APOOL: variants seen among roughly 807,000 people sequenced by gnomAD.
APOOL encodes the protein apolipoprotein O like, also known as MICOS complex subunit MIC27.
Under a neutral mutation model 23.1 loss-of-function variants are expected in APOOL, and 12 were observed. The observed-to-expected ratio is 0.52, with a 90% CI of 0.33 to 0.84. APOOL has a LOEUF of 0.84. APOOL is among the 40% of genes least tolerant of loss of function. The pLI is 0.02. For synonymous variants in APOOL, 77 were observed against 69.9 expected, an observed-to-expected ratio of 1.10 and a Z score of -0.51; for missense variants, 212 against 199.6, an observed-to-expected ratio of 1.06 and a Z score of -0.37.
chrX:85,048,539 G>A (rs1922654790), intron 2 of APOOL, among the ~76,000 whole-genome samples: 1 of 112,104 alleles, frequency 8.9e-6, no homozygotes, highest in Non-Finnish European at 1.9e-5. Flanking sequence ...TTTGTTGCCA[G>A]CTATGTGCTA....
chrX:85,011,943 A>G (rs1448839187), intron 1 of APOOL, among the ~76,000 whole-genome samples: 1 of 111,483 alleles, frequency 9.0e-6, no homozygotes, highest in Non-Finnish European at 1.9e-5. Context: ...CAGTATGGTC[A>G]TTTTCACAAT....
At chrX:85,018,699 A>G (rs746572502) in intron 1 of APOOL, among the ~76,000 whole-genome samples, 12 of 109,257 alleles carry the variant, frequency 1.1e-4, no homozygotes, top group African/African-American at 3.3e-4. Context: ...TATTTCATTC[A>G]TTATATTCTT....
rs778983009 is a variant in APOOL at position 85,008,535 on chromosome X, T to TTTGTG, written c.15+4609_15+4610insTGTGT. Among the ~76,000 whole-genome samples the TTTGTG allele has an allele frequency of 7.8e-3, 670 of 86,130 alleles. 2 individuals carry two copies. Among genetic ancestry groups the TTTGTG allele is most frequent in the African/African-American group, 0.022 (501 of 23,128 alleles). The allele number at this position is 86,130 out of a possible 115,157, so 74.8% of individuals were successfully genotyped here. A position where few individuals can be genotyped will look rare whatever the true frequency, so the allele number is the denominator to read the frequency against. ...TTTTTTATGGTTGAATGATAACCCGTTGTGTGTGTGTGTGTGTGTGTGTGT... is the reference window on the plus strand; with the variant it reads ...TTTTTTATGGTTGAATGATAACCCGTTTGTGTGTGTGTGTGTGTGTGTGTGTGTGT... On this transcript the variant is annotated intron_variant, in intron 1 of 8. Coordinates refer to ENST00000373173, the MANE Select transcript of APOOL (RefSeq NM_198450.6).
intron 8 of APOOL, 42 bp from the exon 9 acceptor site, chrX:85,087,548 G>T (rs1323560722): frequency 9.0e-7 from 1 of 1,106,137 alleles, no homozygotes. Flanking sequence ...AAATAAATTT[G>T]TTAAGTGACT....
chrX:85,018,504 T>C (rs1921554369), intron 1 of APOOL, among the ~76,000 whole-genome samples: 1 of 111,796 alleles, frequency 8.9e-6, no homozygotes, highest in African/African-American at 3.3e-5. Context: ...CATTTCAACA[T>C]GAGATTTGGA....
chrX:85,065,553 G>A (rs183203732), intron 5 of APOOL, among the ~76,000 whole-genome samples: 62 of 111,178 alleles, frequency 5.6e-4, no homozygotes, highest in African/African-American at 1.7e-3. Context: ...CAGCGCAGGC[G>A]TGGTGGTGAT....
chrX:85,008,595 G>A (rs1921161736), intron 1 of APOOL, among the ~76,000 whole-genome samples: 1 of 95,203 alleles, frequency 1.1e-5, no homozygotes, highest in Non-Finnish European at 2.1e-5. Context: ...TTCTTCATCC[G>A]TTGATCTGTT....
intron 8 of APOOL, among the ~76,000 whole-genome samples, chrX:85,079,043 C>T (rs1923976099): frequency 9.0e-6 from 1 of 111,393 alleles, no homozygotes; most frequent in South Asian, 3.8e-4. Flanking sequence ...CAAACAGGGA[C>T]AATTTGACTT....
Position 85,090,004 on chromosome X carries a change from G to C in APOOL, c.*2326G>C, listed in dbSNP as rs767477823. ...AAAGGCCTATCCTATTTATAGCCTA[G>C]AATTAGGCAGTATAGGGTTGGGACA... On this transcript the variant is annotated 3_prime_UTR_variant, in exon 9 of 9. Transcript: ENST00000373173. 9.4e-6 allele frequency: 1 copy of C among 106,076 alleles called. No individual in the cohort carries two copies. Among genetic ancestry groups the C allele is most frequent in the Non-Finnish European group, 1.9e-5 (1 of 51,944 alleles). The allele number at this position is 106,076 out of a possible 1,213,427, so 8.7% of individuals were successfully genotyped here.
chrX:85,068,370 G>A (rs948645683), intron 6 of APOOL, among the ~76,000 whole-genome samples: 4 of 107,532 alleles, frequency 3.7e-5, no homozygotes, highest in African/African-American at 6.8e-5. Flanking sequence ...TCCTCCCAGT[G>A]GATGATGCTT....
Position 85,055,798 on chromosome X carries a change from T to A in APOOL, c.296-29T>A, listed in dbSNP as rs367875938. ...AGAATATCCAGTAGAATTCAGTTAT[T>A]CATGTTAATTTTTAACTGATTTCTT... On this transcript the variant is annotated intron_variant, in intron 4 of 8. Coordinates refer to ENST00000373173, the MANE Select transcript of APOOL (RefSeq NM_198450.6). 52 of 1,035,828 alleles carry A rather than the reference T, an allele frequency of 5.0e-5. No individual in the cohort carries two copies. In the Middle Eastern group the frequency reaches 9.0e-4, roughly 18 times the overall value. The allele number at this position is 1,035,828 out of a possible 1,213,427, so 85.4% of individuals were successfully genotyped here.
intron 5 of APOOL, among the ~76,000 whole-genome samples, chrX:85,065,116 C>T (rs1923403943): frequency 9.0e-6 from 1 of 111,334 alleles, no homozygotes; most frequent in South Asian, 3.8e-4. Context: ...TGAATTGAGC[C>T]CTTTACCATT....
chrX:85,075,983 A>G (rs1923823873), intron 8 of APOOL, among the ~76,000 whole-genome samples: 2 of 111,579 alleles, frequency 1.8e-5, no homozygotes, highest in South Asian at 7.6e-4. Context: ...GGGTGCCAAC[A>G]TGGTCAGGTT....
intron 1 of APOOL, among the ~76,000 whole-genome samples, chrX:85,033,030 G>T (rs1022437198): frequency 4.5e-5 from 5 of 112,107 alleles, no homozygotes; most frequent in Admixed American, 3.8e-4. Context: ...ATTGAGCCCG[G>T]AAATAGTCTT....
At chrX:85,066,402 G>T (rs1056344053) in intron 5 of APOOL, among the ~76,000 whole-genome samples, 3 of 111,317 alleles carry the variant, frequency 2.7e-5, no homozygotes, top group African/African-American at 9.8e-5. Flanking sequence ...GCTAGGGTTT[G>T]ATACAGAGCT....
intron 5 of APOOL, among the ~76,000 whole-genome samples, chrX:85,056,187 A>G (rs1438947935): frequency 9.0e-6 from 1 of 111,554 alleles, no homozygotes; most frequent in Non-Finnish European, 1.9e-5. Flanking sequence ...GTCAGTCCCA[A>G]CAACATTCTT....
intron 1 of APOOL, among the ~76,000 whole-genome samples, chrX:85,018,743 A>G (rs898125995): frequency 9.1e-6 from 1 of 110,402 alleles, no homozygotes; most frequent in Non-Finnish European, 1.9e-5. Flanking sequence ...TCTTTTTGAT[A>G]ATTTCTGTTT....
Position 85,092,708 on chromosome X carries a change from A to G in APOOL, c.*5030A>G, listed in dbSNP as rs1389819444. On this transcript the variant is annotated 3_prime_UTR_variant, in exon 9 of 9. Transcript: ENST00000373173. ...TAGTAGTTACCTTTTGAACTTTTCT[A>G]TAGCTGTAAAAAGAAAAAAGTCTCA... 5 of 544,782 alleles carry G rather than the reference A, an allele frequency of 9.2e-6. No individual in the cohort carries two copies. In the South Asian group the frequency reaches 1.6e-4, roughly 17 times the overall value. The allele number at this position is 544,782 out of a possible 1,213,427, so 44.9% of individuals were successfully genotyped here. A position where few individuals can be genotyped will look rare whatever the true frequency, so the allele number is the denominator to read the frequency against.
At chrX:85,008,614 C>G (rs1431770790) in intron 1 of APOOL, among the ~76,000 whole-genome samples, 1 of 102,325 alleles carries the variant, frequency 9.8e-6, no homozygotes, top group Non-Finnish European at 2.0e-5. Context: ...TTGGCAGACA[C>G]TTCGATTAGA....
Sources: gnomAD v4.1 joint callset for allele counts (sites outside exome capture counted in the v4.1 genomes callset) on GRCh38, gnomAD v4.1.1 for gene constraint, MANE v1.5 for transcripts, NCBI Gene and HGNC (gene_info 2026-07-23, HGNC 2026-07-21) for gene names.